The following SOX6 variants were observed in gnomAD, a reference collection of about 807,000 sequenced individuals.
SOX6 encodes SRY-box transcription factor 6.
SOX6 carries 11 observed loss-of-function variants against 97.8 expected under a neutral mutation model. The ratio of observed to expected loss-of-function variants is 0.11; its 90% CI spans 0.07 to 0.19. The LOEUF (loss-of-function observed/expected upper bound fraction) is 0.19, where lower values mean the gene tolerates loss of function less well. Ranked by LOEUF, SOX6 falls within the 10% of genes least tolerant of loss-of-function variation. The probability of loss-of-function intolerance (pLI) is 1.00; values close to 1 mark genes in which losing one functional copy is unlikely to be tolerated. For missense variants in SOX6, 810 were observed against 1,039.5 expected (o/e 0.78, Z 3.04); for synonymous variants, 360 against 371.4 (o/e 0.97, Z 0.35).
intron 2 of SOX6, among the ~76,000 whole-genome samples, chr11:16,715,937 T>A (rs958231168): frequency 2.6e-4 from 39 of 152,088 alleles, no homozygotes; most frequent in African/African-American, 8.4e-4. Flanking sequence ...AATATTTTTT[T>A]AAATAAGCAT....
At chr11:16,134,390 G>C (rs1039942667) in intron 6 of SOX6, among the ~76,000 whole-genome samples, 1 of 148,606 alleles carries the variant, frequency 6.7e-6, no homozygotes, top group African/African-American at 2.6e-5. Flanking sequence ...AGTAAGGAAA[G>C]CCTTGAAAAC....
intron 9 of SOX6, 140 bp downstream of exon 9, chr11:16,095,856 T>G (rs752959899): frequency 7.9e-5 from 80 of 1,010,674 alleles, no homozygotes; most frequent in Non-Finnish European, 1.1e-4. Flanking sequence ...AGAGCCTCCT[T>G]AGGAATGAGA....
chr11:16,495,394 G>C (rs1440934072), intron 4 of SOX6, among the ~76,000 whole-genome samples: 11 of 152,146 alleles, frequency 7.2e-5, no homozygotes, highest in Admixed American at 5.9e-4. Flanking sequence ...AGGGGGACTT[G>C]GGACAGATCC....
At chr11:16,276,415 A>C (rs566725735) in intron 3 of SOX6, among the ~76,000 whole-genome samples, 1 of 152,304 alleles carries the variant, frequency 6.6e-6, no homozygotes, top group East Asian at 1.9e-4. Flanking sequence ...AAACATTTGC[A>C]TTACTAGTCT....
intron 4 of SOX6, among the ~76,000 whole-genome samples, chr11:16,564,418 C>T (rs1015613070): frequency 6.6e-6 from 1 of 152,070 alleles, no homozygotes; most frequent in Non-Finnish European, 1.5e-5. Context: ...ATTGATAGAA[C>T]TGGACAGACA....
intron 13 of SOX6, among the ~76,000 whole-genome samples, chr11:16,012,886 T>A (rs1854775168): frequency 6.6e-6 from 1 of 152,004 alleles, no homozygotes; most frequent in Non-Finnish European, 1.5e-5. Flanking sequence ...AAACACTTGA[T>A]AAAAAAAGTT....
chr11:15,999,108 C>CA (rs1277201579), intron 13 of SOX6, among the ~76,000 whole-genome samples: 3 of 151,664 alleles, frequency 2.0e-5, no homozygotes, highest in Non-Finnish European at 4.4e-5. Flanking sequence ...GAACATTTTA[C>CA]AAAAAAGGAT....
chr11:15,992,025 C>A (rs1442067352), intron 13 of SOX6, among the ~76,000 whole-genome samples: 1 of 152,192 alleles, frequency 6.6e-6, no homozygotes, highest in Non-Finnish European at 1.5e-5. Flanking sequence ...AGCTGAAGGA[C>A]AAGGAATTGA....
At chr11:16,070,964 AC>A (rs1848209897) in intron 9 of SOX6, among the ~76,000 whole-genome samples, 1 of 152,238 alleles carries the variant, frequency 6.6e-6, no homozygotes, top group Non-Finnish European at 1.5e-5. Flanking sequence ...CAGCACCAGC[AC>A]CATAGCTCCA....
intron 6 of SOX6, among the ~76,000 whole-genome samples, chr11:16,132,316 AAGGAAGGAAGGAAG>A (rs1849774974): frequency 7.7e-6 from 1 of 129,300 alleles, no homozygotes; most frequent in Non-Finnish European, 1.6e-5. Flanking sequence ...GGAAGGAAGG[AAGGAAGGAAGGAAG>A]GAAAGAAAAA....
intron 11 of SOX6, 118 bp downstream of exon 11, chr11:16,049,637 A>G (rs575717293): frequency 4.3e-5 from 50 of 1,168,570 alleles, no homozygotes; most frequent in Non-Finnish European, 6.1e-5. Flanking sequence ...TAGAAAAGAT[A>G]AGAGTATTAT....
intron 4 of SOX6, among the ~76,000 whole-genome samples, chr11:16,223,714 A>G (rs1191889824): frequency 6.6e-6 from 1 of 152,102 alleles, no homozygotes; most frequent in Non-Finnish European, 1.5e-5. Context: ...CTAATTCCAC[A>G]CAGGGCGATT....
intron 3 of SOX6, among the ~76,000 whole-genome samples, chr11:16,706,449 C>T (rs1302592506): frequency 4.1e-4 from 1 of 2,450 alleles, no homozygotes; most frequent in Non-Finnish European, 6.5e-4. Context: ...GAACCTATCA[C>T]AAAAAAAAAA....
At chr11:16,206,498 G>C (rs1360617674) in intron 4 of SOX6, among the ~76,000 whole-genome samples, 2 of 152,188 alleles carry the variant, frequency 1.3e-5, no homozygotes, top group Non-Finnish European at 2.9e-5. Context: ...TCTGGAGTCA[G>C]ATTCCCCAGT....
At position 16,234,582 on chromosome 11, in the gene SOX6, C is replaced by A; in HGVS notation, c.535G>T (p.Gly179Cys). 1 of 1,543,082 alleles carries A rather than the reference C, an allele frequency of 6.5e-7. No homozygotes were observed. Among genetic ancestry groups the A allele is most frequent in the South Asian group, 1.1e-5 (1 of 88,040 alleles). The change falls in exon 4 of 16, where the codon GGT becomes TGT. Residue 179 changes from glycine (G) to cysteine (C), a missense_variant and splice_region_variant. This residue lies in a region of SOX6 where 110 missense variants were observed against 119.0 expected (regional missense o/e 0.92). Coordinates refer to ENST00000683767, the MANE Select transcript of SOX6 (RefSeq NM_001367873.1). Reference protein sequence around the residue: ...NTSELLGEIKGTPESLAEKER... With the variant: ...NTSELLGEIKCTPESLAEKER... ...ATGTTCGATATATTTTATGTTGTAC[C>A]TTTAATTTCTCCAAGAAGTTCACTG...
intron 4 of SOX6, among the ~76,000 whole-genome samples, chr11:16,572,769 C>CA (rs1486771879): frequency 6.6e-6 from 1 of 152,124 alleles, no homozygotes; most frequent in Admixed American, 6.5e-5. Context: ...TTTTATTTCA[C>CA]AAAAGGCTAT....
intron 4 of SOX6, among the ~76,000 whole-genome samples, chr11:16,595,603 CAAAAA>C (rs10712410): frequency 2.6e-5 from 3 of 113,866 alleles, no homozygotes; most frequent in Admixed American, 9.1e-5. Context: ...CCACCTCTAC[CAAAAA>C]AAAAAAAAAA....
At position 16,132,417 on chromosome 11, in the gene SOX6, G is replaced by A. The variant is rs1292691547; in HGVS notation, c.778-20494C>T. ...AAGAAAGAAAAAAGAAAGAAAGAAAGAAAGAAAGAAAGAAAGAAAGAAAGA... is the reference window on the plus strand; with the variant it reads ...AAGAAAGAAAAAAGAAAGAAAGAAAAAAAGAAAGAAAGAAAGAAAGAAAGA... On this transcript the variant is annotated intron_variant, in intron 6 of 15. Transcript: ENST00000683767. Among the ~76,000 whole-genome samples the A allele has an allele frequency of 1.1e-3, 105 of 95,986 alleles. 7 individuals are homozygous for A. The highest frequency in any genetic ancestry group is 4.6e-3 in the African/African-American group (92 of 20,194). The allele number at this position is 95,986 out of a possible 152,430, so 63.0% of individuals were successfully genotyped here. A position where few individuals can be genotyped will look rare whatever the true frequency, so the allele number is the denominator to read the frequency against.
chr11:16,488,344 A>G (rs1029140411), intron 4 of SOX6, among the ~76,000 whole-genome samples: 6 of 152,186 alleles, frequency 3.9e-5, no homozygotes, highest in Admixed American at 6.5e-5. Context: ...GTAAAACTAT[A>G]TAATCTCACT....
Sources: allele counts gnomAD v4.1 joint callset (sites outside exome capture counted in the v4.1 genomes callset), GRCh38; gene constraint gnomAD v4.1.1; regional missense constraint gnomAD v4.1.1; transcripts MANE v1.5; gene names NCBI Gene and HGNC (gene_info 2026-07-23, HGNC 2026-07-21).